ELAVL2: variants seen among roughly 807,000 people sequenced by gnomAD.
ELAVL2 encodes the protein ELAV like RNA binding protein 2, also known as ELAV-like protein 2.
ELAVL2 carries 4 observed loss-of-function variants against 34.6 expected under a neutral mutation model. That is an observed-to-expected ratio of 0.12 (90% confidence interval 0.06 to 0.26). ELAVL2 has a LOEUF of 0.26. ELAVL2 is among the 10% of genes least tolerant of loss of function. The pLI, the probability that ELAVL2 is intolerant of heterozygous loss-of-function variation, is 1.00. For missense variants in ELAVL2, 432 were observed against 442.8 expected (o/e 0.98, Z 0.22); for synonymous variants, 193 against 154.8 (o/e 1.25, Z -1.83).
In ELAVL2 at chr9:23,691,609, A is replaced by G. The variant is rs1017917218; in HGVS notation, c.*948T>C. On this transcript the variant is annotated 3_prime_UTR_variant, in exon 7 of 7. Coordinates refer to ENST00000397312, the MANE Select transcript of ELAVL2 (RefSeq NM_004432.5). ...TTATTTGTTTCAAAATCACAAATCAATGTGAGCCACCTATCACATAATAAC... is the reference window on the plus strand; with the variant it reads ...TTATTTGTTTCAAAATCACAAATCAGTGTGAGCCACCTATCACATAATAAC... The G allele has an allele frequency of 6.6e-6, 1 of 152,568 alleles. No individual in the cohort carries two copies. Among genetic ancestry groups the G allele is most frequent in the African/African-American group, 2.4e-5 (1 of 41,440 alleles). 9.5% of individuals were successfully genotyped at this position (152,568 alleles called of 1,614,324 possible).
Position 23,692,529 on chromosome 9 carries a change from A to G in ELAVL2, c.*28T>C. ...CTTGCCTTTGTTGTATAGTTTTCAT[A>G]TATAAATGGACTGAGGACAAGAGCT... On this transcript the variant is annotated 3_prime_UTR_variant, in exon 7 of 7. Transcript: ENST00000397312. 1 of 1,583,966 alleles carries G rather than the reference A, an allele frequency of 6.3e-7. No homozygotes were observed. Among genetic ancestry groups the G allele is most frequent in the Non-Finnish European group, 8.6e-7 (1 of 1,164,122 alleles).
intron 1 of ELAVL2, among the ~76,000 whole-genome samples, chr9:23,792,256 G>A (rs2060411254): frequency 1.3e-5 from 2 of 152,224 alleles, no homozygotes; most frequent in Admixed American, 6.5e-5. Context: ...AGCAGGTTAA[G>A]TATGTTAAAT....
chr9:23,793,735 C>A (rs924301810), intron 1 of ELAVL2, among the ~76,000 whole-genome samples: 4 of 152,146 alleles, frequency 2.6e-5, no homozygotes, highest in Admixed American at 6.5e-5. Context: ...GAATACCTGG[C>A]TCTTGATTTT....
intron 1 of ELAVL2, among the ~76,000 whole-genome samples, chr9:23,794,282 A>G (rs912366468): frequency 1.3e-5 from 2 of 152,222 alleles, no homozygotes; most frequent in African/African-American, 2.4e-5. Context: ...TGTAACATTC[A>G]GGGACTTCAG....
intron 2 of ELAVL2, among the ~76,000 whole-genome samples, chr9:23,737,859 C>T (rs182873939): frequency 4.6e-5 from 7 of 152,234 alleles, no homozygotes; most frequent in African/African-American, 1.7e-4. Flanking sequence ...TTTTAAAAAG[C>T]AAAATGGAAA....
intron 1 of ELAVL2, among the ~76,000 whole-genome samples, chr9:23,773,388 C>CT (rs1306479843): frequency 2.0e-5 from 3 of 152,148 alleles, no homozygotes; most frequent in Non-Finnish European, 4.4e-5. Context: ...TCTCACCCAG[C>CT]ATAGAGCTTC....
intron 1 of ELAVL2, among the ~76,000 whole-genome samples, chr9:23,789,339 C>T (rs2060071968): frequency 6.6e-6 from 1 of 152,092 alleles, no homozygotes. Context: ...ACTGAAGTGA[C>T]CGTCATTTCA....
intron 1 of ELAVL2, among the ~76,000 whole-genome samples, chr9:23,787,002 T>C (rs755445497): frequency 6.6e-6 from 1 of 152,108 alleles, no homozygotes; most frequent in Non-Finnish European, 1.5e-5. Context: ...GAATAAAACA[T>C]CACTGAGGAA....
chr9:23,756,965 C>CATA (rs538868028), intron 2 of ELAVL2, among the ~76,000 whole-genome samples: 206 of 152,158 alleles, frequency 1.4e-3, no homozygotes, highest in Admixed American at 4.4e-3. Flanking sequence ...ATCCTGTGAC[C>CATA]ATACTTCATG....
intron 2 of ELAVL2, among the ~76,000 whole-genome samples, chr9:23,738,974 G>C (rs2048518549): frequency 6.6e-6 from 1 of 151,970 alleles, no homozygotes; most frequent in South Asian, 2.1e-4. Flanking sequence ...GCGATACTGT[G>C]GGTTCTTAAT....
intron 5 of ELAVL2, 111 bp from the exon 6 acceptor site, chr9:23,693,597 A>T (rs1393155313): frequency 2.4e-6 from 3 of 1,274,868 alleles, no homozygotes; most frequent in Non-Finnish European, 3.4e-6. Context: ...CACTGATTAT[A>T]TGTGAAGACT....
chr9:23,748,986 G>C (rs1480831025), intron 2 of ELAVL2, among the ~76,000 whole-genome samples: 1 of 152,076 alleles, frequency 6.6e-6, no homozygotes, highest in Non-Finnish European at 1.5e-5. Flanking sequence ...CAAAGGAGGT[G>C]GGTGAGGAGT....
intron 5 of ELAVL2, among the ~76,000 whole-genome samples, chr9:23,697,241 C>T (rs190225561): frequency 7.2e-5 from 11 of 152,130 alleles, no homozygotes; most frequent in African/African-American, 2.6e-4. Flanking sequence ...AAGAATGGTA[C>T]CAGTAAGGGA....
intron 2 of ELAVL2, among the ~76,000 whole-genome samples, chr9:23,750,588 T>G (rs139073564): frequency 6.6e-6 from 1 of 152,122 alleles, no homozygotes; most frequent in Non-Finnish European, 1.5e-5. Flanking sequence ...AACCTAATAC[T>G]CAGGTTCACA....
intron 1 of ELAVL2, among the ~76,000 whole-genome samples, chr9:23,777,596 C>T (rs930515106): frequency 5.3e-5 from 8 of 152,116 alleles, no homozygotes; most frequent in Non-Finnish European, 1.2e-4. Flanking sequence ...GGACACTATT[C>T]TTTATTCTCC....
chr9:23,692,984 A>G, intron 6 of ELAVL2, 100 bp from the exon 7 acceptor site: 1 of 1,083,784 alleles, frequency 9.2e-7, no homozygotes, highest in Admixed American at 2.8e-5. Flanking sequence ...CAAGAATTTT[A>G]GTAACTCTCC....
At chr9:23,813,788 G>A (rs552950592) in intron 1 of ELAVL2, among the ~76,000 whole-genome samples, 3 of 152,182 alleles carry the variant, frequency 2.0e-5, no homozygotes, top group Non-Finnish European at 4.4e-5. Context: ...ATCTAAATAT[G>A]TAAGGAGCAG....
intron 1 of ELAVL2, among the ~76,000 whole-genome samples, chr9:23,777,661 C>G (rs577791838): frequency 2.0e-5 from 3 of 152,070 alleles, no homozygotes; most frequent in Non-Finnish European, 4.4e-5. Context: ...GAAGCAAGAA[C>G]GGTAAATTAA....
chr9:23,761,564 A>G (rs1409013608), intron 2 of ELAVL2, among the ~76,000 whole-genome samples: 1 of 152,080 alleles, frequency 6.6e-6, no homozygotes, highest in Non-Finnish European at 1.5e-5. Context: ...CAATGTGAAC[A>G]TTACCATTTA....
Sources: gnomAD v4.1 joint callset for allele counts (sites outside exome capture counted in the v4.1 genomes callset) on GRCh38, gnomAD v4.1.1 for gene constraint, MANE v1.5 for transcripts, NCBI Gene and HGNC (gene_info 2026-07-23, HGNC 2026-07-21) for gene names.